Variants in GRIN2B observed in about 807,000 individuals in gnomAD.
GRIN2B encodes glutamate ionotropic receptor NMDA type subunit 2B.
Under a neutral mutation model 114.5 loss-of-function variants are expected in GRIN2B, and 5 were observed. That is an observed-to-expected ratio of 0.04 (90% CI 0.02 to 0.09). GRIN2B has a LOEUF of 0.09. Ranked by LOEUF, GRIN2B falls within the 10% of genes least tolerant of loss-of-function variation. The pLI, the probability that GRIN2B is intolerant of heterozygous loss-of-function variation, is 1.00. For missense variants in GRIN2B, 1,108 were observed against 1,943.5 expected (o/e 0.57, Z 8.08); for synonymous variants, 787 against 745.1 (o/e 1.06, Z -0.92).
At chr12:13,936,100 G>T (rs1015578065) in intron 2 of GRIN2B, among the ~76,000 whole-genome samples, 16 of 152,260 alleles carry the variant, frequency 1.1e-4, no homozygotes, top group Middle Eastern at 3.4e-3. Flanking sequence ...AGGGCCCCAT[G>T]AGTCCAAGAT....
chr12:13,799,331 G>GA (rs1417593283), intron 3 of GRIN2B, among the ~76,000 whole-genome samples: 1 of 152,178 alleles, frequency 6.6e-6, no homozygotes, highest in Non-Finnish European at 1.5e-5. Flanking sequence ...AGAAGGTGGA[G>GA]AGGAATTTTA....
intron 10 of GRIN2B, among the ~76,000 whole-genome samples, chr12:13,599,201 G>C (rs183749337): frequency 1.3e-3 from 202 of 152,254 alleles, no homozygotes; most frequent in Non-Finnish European, 2.1e-3. Flanking sequence ...TGCTGGACAG[G>C]AAATCTCGAT....
At chr12:13,893,459 A>G (rs1278789959) in intron 2 of GRIN2B, among the ~76,000 whole-genome samples, 2 of 152,214 alleles carry the variant, frequency 1.3e-5, no homozygotes, top group Non-Finnish European at 2.9e-5. Flanking sequence ...ATGATTCCAA[A>G]TCAAATAATC....
At chr12:13,896,586 T>C (rs1260061386) in intron 2 of GRIN2B, among the ~76,000 whole-genome samples, 2 of 152,322 alleles carry the variant, frequency 1.3e-5, no homozygotes, top group African/African-American at 4.8e-5. Context: ...ATGATCTCCT[T>C]AAGTCACTAC....
chr12:13,640,553 C>T lies in GRIN2B; in HGVS notation c.1126-23896G>A, dbSNP rs532834832. ...TATAGTTTGTCTTTGACTGGATTCTCCTCATGTTCTATGCTCCTTTATTCC... is the reference window on the plus strand; with the variant it reads ...TATAGTTTGTCTTTGACTGGATTCTTCTCATGTTCTATGCTCCTTTATTCC... On this transcript the variant is annotated intron_variant, in intron 5 of 13. Transcript: ENST00000609686. 1.6e-3 allele frequency among the ~76,000 whole-genome samples: 240 copies of T among 152,264 alleles called. 2 individuals carry two copies. Among genetic ancestry groups the T allele is most frequent in the Middle Eastern group, 6.8e-3 (2 of 294 alleles).
chr12:13,962,796 G>C (rs1400430143), intron 2 of GRIN2B, among the ~76,000 whole-genome samples: 1 of 152,212 alleles, frequency 6.6e-6, no homozygotes, highest in African/African-American at 2.4e-5. Context: ...GGGGGGCAGA[G>C]CAGCTGTCGC....
intron 2 of GRIN2B, among the ~76,000 whole-genome samples, chr12:13,913,651 G>A (rs1866661507): frequency 6.6e-6 from 1 of 152,180 alleles, no homozygotes; most frequent in Admixed American, 6.5e-5. Flanking sequence ...GTTGTGTTGT[G>A]TAGTGTGAAT....
intron 3 of GRIN2B, among the ~76,000 whole-genome samples, chr12:13,812,264 G>C (rs545405911): frequency 6.6e-6 from 1 of 151,910 alleles, no homozygotes; most frequent in Non-Finnish European, 1.5e-5. Flanking sequence ...AAAAAAGTCA[G>C]AATTCTTTTC....
chr12:13,865,157 T>C (rs1470321518), intron 3 of GRIN2B, among the ~76,000 whole-genome samples: 2 of 152,210 alleles, frequency 1.3e-5, no homozygotes, highest in African/African-American at 4.8e-5. Flanking sequence ...GAACACGTAT[T>C]GCCAAAGAAT....
chr12:13,945,433 C>T (rs1406140197), intron 2 of GRIN2B, among the ~76,000 whole-genome samples: 2 of 152,160 alleles, frequency 1.3e-5, no homozygotes, highest in Non-Finnish European at 2.9e-5. Context: ...TCTGGCTCTG[C>T]CTGTGTGATC....
At chr12:13,907,695 G>A (rs1328284854) in intron 2 of GRIN2B, among the ~76,000 whole-genome samples, 1 of 152,140 alleles carries the variant, frequency 6.6e-6, no homozygotes, top group Non-Finnish European at 1.5e-5. Flanking sequence ...TATCTGTTTA[G>A]TGGTTATATG....
At chr12:13,717,611 T>C (rs1031350347) in intron 4 of GRIN2B, among the ~76,000 whole-genome samples, 12 of 151,934 alleles carry the variant, frequency 7.9e-5, no homozygotes, top group Admixed American at 5.3e-4. Context: ...GATAATGCAG[T>C]AGACGCGCGA....
chr12:13,607,992 A>G (rs1012953990), intron 10 of GRIN2B, among the ~76,000 whole-genome samples: 2 of 148,016 alleles, frequency 1.4e-5, no homozygotes, highest in Admixed American at 6.8e-5. Flanking sequence ...GGAAAACAGC[A>G]GACACTTTCC....
intron 2 of GRIN2B, among the ~76,000 whole-genome samples, chr12:13,898,738 C>A (rs929374076): frequency 2.6e-5 from 4 of 152,124 alleles, no homozygotes; most frequent in Non-Finnish European, 5.9e-5. Context: ...ATGGAGAAAC[C>A]CCATCTCTAC....
intron 5 of GRIN2B, among the ~76,000 whole-genome samples, chr12:13,660,783 T>C (rs928222461): frequency 6.6e-6 from 1 of 152,224 alleles, no homozygotes; most frequent in African/African-American, 2.4e-5. Flanking sequence ...AAGATACACG[T>C]GTAATTATTG....
intron 3 of GRIN2B, among the ~76,000 whole-genome samples, chr12:13,780,379 A>G (rs11055614): frequency 0.018 from 2,739 of 152,294 alleles, 40 homozygotes; most frequent in Non-Finnish European, 0.025. Flanking sequence ...CCAGAGAAAC[A>G]CGTTCATTAT....
At chr12:13,633,882 G>T (rs933013712) in intron 5 of GRIN2B, among the ~76,000 whole-genome samples, 1 of 151,712 alleles carries the variant, frequency 6.6e-6, no homozygotes, top group Non-Finnish European at 1.5e-5. Context: ...CTTGGCTCAG[G>T]GTCCCTCTCA....
chr12:13,774,633 G>C (rs1863969300), intron 3 of GRIN2B, among the ~76,000 whole-genome samples: 1 of 152,216 alleles, frequency 6.6e-6, no homozygotes. Context: ...AACATGTGCA[G>C]TGCCTTTGGT....
intron 2 of GRIN2B, among the ~76,000 whole-genome samples, chr12:13,886,586 T>A (rs1235393725): frequency 6.6e-6 from 1 of 152,104 alleles, no homozygotes; most frequent in African/African-American, 2.4e-5. Context: ...TGGCACCATC[T>A]GAGAAGCAAA....
Sources: gnomAD v4.1 joint callset for allele counts (sites outside exome capture counted in the v4.1 genomes callset) on GRCh38, gnomAD v4.1.1 for gene constraint, MANE v1.5 for transcripts, NCBI Gene and HGNC (gene_info 2026-07-23, HGNC 2026-07-21) for gene names.